PTK2: variants seen among roughly 807,000 people sequenced by gnomAD.
PTK2 encodes the protein focal adhesion kinase 1.
Under a neutral mutation model 150.1 loss-of-function variants are expected in PTK2, and 45 were observed. The observed-to-expected ratio is 0.30, with a 90% CI of 0.24 to 0.38. PTK2 has a LOEUF of 0.38. PTK2 is among the 10% of genes least tolerant of loss of function. The pLI, the probability that PTK2 is intolerant of heterozygous loss-of-function variation, is 1.00. For synonymous variants in PTK2, 432 were observed against 449.2 expected, an observed-to-expected ratio of 0.96 and a Z score of 0.48; for missense variants, 919 against 1,307.3, an observed-to-expected ratio of 0.70 and a Z score of 4.58.
At chr8:140,886,694 C>T (rs1201882066) in intron 3 of PTK2, among the ~76,000 whole-genome samples, 1 of 152,166 alleles carries the variant, frequency 6.6e-6, no homozygotes, top group Non-Finnish European at 1.5e-5. Context: ...TACTTCTCTG[C>T]AGATACCTTC....
At chr8:140,816,763 G>C (rs932939490) in intron 10 of PTK2, among the ~76,000 whole-genome samples, 4 of 152,180 alleles carry the variant, frequency 2.6e-5, no homozygotes, top group Non-Finnish European at 5.9e-5. Context: ...GAATAACTTT[G>C]TATCTATTAA....
intron 22 of PTK2, chr8:140,734,777 C>G (rs754951519): frequency 1.9e-6 from 1 of 515,588 alleles, no homozygotes; most frequent in Non-Finnish European, 3.9e-6. Context: ...AACATCTGAG[C>G]TGGGTTCTGA....
At chr8:140,960,877 G>T (rs1311297981) in intron 1 of PTK2, among the ~76,000 whole-genome samples, 1 of 152,176 alleles carries the variant, frequency 6.6e-6, no homozygotes, top group Non-Finnish European at 1.5e-5. Context: ...CCACTCGGGA[G>T]GCTGAGGCAG....
At chr8:140,839,525 C>G (rs1019279679) in intron 7 of PTK2, among the ~76,000 whole-genome samples, 3 of 151,628 alleles carry the variant, frequency 2.0e-5, no homozygotes, top group Non-Finnish European at 4.4e-5. Context: ...CCAGAGGTTA[C>G]CAAGCATGAA....
chr8:140,881,914 T>C (rs563651466), intron 3 of PTK2, among the ~76,000 whole-genome samples: 1 of 152,304 alleles, frequency 6.6e-6, no homozygotes, highest in Non-Finnish European at 1.5e-5. Flanking sequence ...CACTTGATCA[T>C]GCTGCCTGAA....
chr8:140,987,228 T>A (rs1419473871), intron 1 of PTK2, among the ~76,000 whole-genome samples: 1 of 152,232 alleles, frequency 6.6e-6, no homozygotes, highest in African/African-American at 2.4e-5. Context: ...TCTCCCAGGC[T>A]GGAGTGCAGT....
chr8:140,980,701 C>T (rs545211612), intron 1 of PTK2, among the ~76,000 whole-genome samples: 3 of 151,444 alleles, frequency 2.0e-5, no homozygotes, highest in East Asian at 1.9e-4. Context: ...TCCTTCAAGT[C>T]GCCTGCCTGG....
chr8:140,864,932 A>C (rs185277548), intron 4 of PTK2, among the ~76,000 whole-genome samples: 1 of 152,224 alleles, frequency 6.6e-6, no homozygotes, highest in African/African-American at 2.4e-5. Context: ...GGTTGCATAT[A>C]TACCTAGGAG....
intron 30 of PTK2, among the ~76,000 whole-genome samples, chr8:140,667,858 T>C (rs2093282014): frequency 6.6e-6 from 1 of 152,214 alleles, no homozygotes; most frequent in Admixed American, 6.5e-5. Flanking sequence ...ATCATTCCTC[T>C]ACTTGTCTTT....
At chr8:140,989,677 G>A (rs1230616752) in intron 1 of PTK2, among the ~76,000 whole-genome samples, 2 of 152,098 alleles carry the variant, frequency 1.3e-5, no homozygotes, top group African/African-American at 4.8e-5. Flanking sequence ...GGGAGGCCGA[G>A]GCGGGCGGAT....
At chr8:140,845,261 T>C (rs2100124680) in intron 7 of PTK2, among the ~76,000 whole-genome samples, 1 of 152,164 alleles carries the variant, frequency 6.6e-6, no homozygotes, top group Non-Finnish European at 1.5e-5. Context: ...GTCCAGACTC[T>C]TTGAAGAATG....
At chr8:140,862,341 G>A (rs1009064879) in intron 5 of PTK2, among the ~76,000 whole-genome samples, 3 of 151,876 alleles carry the variant, frequency 2.0e-5, no homozygotes, top group East Asian at 3.9e-4. Flanking sequence ...TATCTCCTTC[G>A]CCAAAATATG....
chr8:140,936,990 A>G (rs1008504719), intron 1 of PTK2, among the ~76,000 whole-genome samples: 1 of 152,150 alleles, frequency 6.6e-6, no homozygotes, highest in African/African-American at 2.4e-5. Flanking sequence ...CTTAATAGCT[A>G]ATAAAGTAGT....
chr8:140,772,754 G>A (rs2100076243), intron 14 of PTK2, among the ~76,000 whole-genome samples: 1 of 152,136 alleles, frequency 6.6e-6, no homozygotes, highest in Non-Finnish European at 1.5e-5. Flanking sequence ...TAAAGCAAGT[G>A]AGCCAAAATA....
chr8:140,663,003 C>T (rs1158015296), intron 31 of PTK2: 1 of 384,682 alleles, frequency 2.6e-6, no homozygotes, highest in Non-Finnish European at 4.6e-6. Context: ...TGGTCTGGCT[C>T]TCACAGGCGA....
chr8:140,826,140 T>G (rs543373592), intron 8 of PTK2, among the ~76,000 whole-genome samples: 2 of 152,164 alleles, frequency 1.3e-5, no homozygotes, highest in Non-Finnish European at 2.9e-5. Flanking sequence ...GAGAAACAAA[T>G]GTAGCCTGTT....
chr8:140,913,587 A>C (rs2100164075), intron 2 of PTK2, among the ~76,000 whole-genome samples: 1 of 152,072 alleles, frequency 6.6e-6, no homozygotes, highest in African/African-American at 2.4e-5. Flanking sequence ...TGAGCCACTG[A>C]GTCCAGCCAG....
At chr8:140,800,376 A>G (rs181293461) in intron 12 of PTK2, 83 bp downstream of exon 12, 1 of 1,080,754 alleles carries the variant, frequency 9.3e-7, no homozygotes, top group African/African-American at 1.5e-5. Flanking sequence ...GTTACCTAAA[A>G]GAGGATAACA....
chr8:140,890,661 A>G, exon 3 of PTK2: 1 of 1,614,172 alleles, frequency 6.2e-7, no homozygotes, highest in Non-Finnish European at 8.5e-7. Flanking sequence ...AGAACGTTCC[A>G]TACCAGTACC....
Sources: gnomAD v4.1 joint callset for allele counts (sites outside exome capture counted in the v4.1 genomes callset) on GRCh38, gnomAD v4.1.1 for gene constraint, MANE v1.5 for transcripts, NCBI Gene and HGNC (gene_info 2026-07-23, HGNC 2026-07-21) for gene names.